Variants in CASS4 observed in about 807,000 individuals in gnomAD.
CASS4 encodes cas scaffolding protein family member 4.
In CASS4, 22 loss-of-function variants were observed where a neutral mutation model predicts 54.2. That is an observed-to-expected ratio of 0.41 (90% CI 0.29 to 0.58). The LOEUF is 0.58. Ranked by LOEUF, CASS4 falls within the 20% of genes least tolerant of loss-of-function variation. The pLI, the probability that CASS4 is intolerant of heterozygous loss-of-function variation, is 0.36. For synonymous variants in CASS4, 409 were observed against 391.5 expected (o/e 1.04, Z -0.53); for missense variants, 854 against 986.7 (o/e 0.87, Z 1.80).
At chr20:56,435,614 C>A (rs1238008022) in intron 1 of CASS4, among the ~76,000 whole-genome samples, 2 of 152,148 alleles carry the variant, frequency 1.3e-5, no homozygotes, top group Non-Finnish European at 2.9e-5. Context: ...GGTAACAAGG[C>A]GACTTTTTTT....
At chr20:56,441,720 C>T (rs1475952048) in intron 2 of CASS4, among the ~76,000 whole-genome samples, 3 of 152,164 alleles carry the variant, frequency 2.0e-5, no homozygotes, top group Non-Finnish European at 2.9e-5. Flanking sequence ...GCTTCTGGGG[C>T]AGCCAATGTT....
At position 56,452,453 on chromosome 20, in the gene CASS4, C is replaced by T. The variant is rs34899200; in HGVS notation, c.1277C>T (p.Ser426Leu). Residue 426 changes from serine (S) to leucine (L), a missense_variant, in exon 5 of 6, where the codon TCG (serine) becomes TTG (leucine). Coordinates refer to ENST00000679887, the MANE Select transcript of CASS4 (RefSeq NM_020356.4). ...TSTDDSSSSSSEESAKELSLD... is the reference protein window; with the variant it reads ...TSTDDSSSSSLEESAKELSLD... ...ACCGACGACTCCTCCAGCTCTTCCT[C>T]GGAGGAGTCAGCAAAGGAGCTCTCC... The T allele has an allele frequency of 3.3e-3, 5,357 of 1,613,824 alleles. 147 individuals are homozygous for T. The African/African-American group carries it at 0.061, about 18-fold the overall frequency.
At chr20:56,451,085 T>G (rs1980974682) in intron 4 of CASS4, among the ~76,000 whole-genome samples, 1 of 152,084 alleles carries the variant, frequency 6.6e-6, no homozygotes, top group South Asian at 2.1e-4. Flanking sequence ...TGCAAATTCC[T>G]CATAACAGAG....
intron 1 of CASS4, among the ~76,000 whole-genome samples, chr20:56,422,047 A>G (rs1979437845): frequency 6.6e-6 from 1 of 152,254 alleles, no homozygotes; most frequent in Non-Finnish European, 1.5e-5. Context: ...ACTGAAACCC[A>G]GAGAAGTTCT....
At chr20:56,448,879 C>A (rs368784416) in intron 3 of CASS4, among the ~76,000 whole-genome samples, 7 of 152,056 alleles carry the variant, frequency 4.6e-5, no homozygotes, top group African/African-American at 1.7e-4. Flanking sequence ...CACTGGCCGT[C>A]AGAGAAATGC....
intron 1 of CASS4, among the ~76,000 whole-genome samples, chr20:56,421,203 G>A (rs1979395116): frequency 6.6e-6 from 1 of 152,212 alleles, no homozygotes; most frequent in Admixed American, 6.5e-5. Flanking sequence ...GCACAGAACA[G>A]TTTTTGTACA....
At chr20:56,446,802 AT>A (rs1190407510) in intron 3 of CASS4, among the ~76,000 whole-genome samples, 1 of 152,128 alleles carries the variant, frequency 6.6e-6, no homozygotes, top group Admixed American at 6.6e-5. Context: ...AAACATCAGG[AT>A]TTTTAAAAGC....
In CASS4 at chr20:56,430,207, G is replaced by T. The variant is rs1165418286; in HGVS notation, c.37-6957G>T. Among the ~76,000 whole-genome samples the T allele has an allele frequency of 6.6e-6, 1 of 152,222 alleles. No individual in the cohort carries two copies. The highest frequency in any genetic ancestry group is 1.5e-5 in the Non-Finnish European group (1 of 68,034). On this transcript the variant is annotated intron_variant, in intron 1 of 5. Transcript: ENST00000679887. The surrounding 1 kb of genome is among the most constrained non-coding windows in gnomAD (Gnocchi z 4.2). ...ACATTGCACCTGCCAGCTGTGGAAA[G>T]GTCTCTGCACTGAGGTTATCATCAG...
At chr20:56,421,755 C>T (rs1044291384) in intron 1 of CASS4, among the ~76,000 whole-genome samples, 7 of 151,966 alleles carry the variant, frequency 4.6e-5, no homozygotes, top group African/African-American at 1.5e-4. Flanking sequence ...TAATTGGTGT[C>T]GGCATAATTG....
chr20:56,435,186 A>C (rs978484427), intron 1 of CASS4, among the ~76,000 whole-genome samples: 2 of 152,216 alleles, frequency 1.3e-5, no homozygotes, highest in African/African-American at 4.8e-5. Flanking sequence ...TTGTCTGGTT[A>C]AGATGGTATT....
chr20:56,441,789 A>G (rs1322836160), intron 2 of CASS4, among the ~76,000 whole-genome samples: 1 of 152,052 alleles, frequency 6.6e-6, no homozygotes, highest in African/African-American at 2.4e-5. Flanking sequence ...TCCTCTGTAT[A>G]GGGAGAAGGT....
intron 1 of CASS4, among the ~76,000 whole-genome samples, chr20:56,415,229 G>A (rs1979072895): frequency 6.6e-6 from 1 of 152,164 alleles, no homozygotes; most frequent in African/African-American, 2.4e-5. Context: ...TGTTTATGCA[G>A]TCCTTAAGAT....
At chr20:56,434,263 A>G (rs1277377874) in intron 1 of CASS4, among the ~76,000 whole-genome samples, 2 of 152,204 alleles carry the variant, frequency 1.3e-5, no homozygotes, top group African/African-American at 4.8e-5. Context: ...TGCAAATATT[A>G]GCTATAAAGA....
chr20:56,431,240 C>T (rs1048360578), intron 1 of CASS4, among the ~76,000 whole-genome samples: 12 of 152,218 alleles, frequency 7.9e-5, no homozygotes, highest in Non-Finnish European at 2.9e-5. Flanking sequence ...GTGCATCCAA[C>T]ACAAAATAGG....
rs912059527 is a variant in CASS4 at position 56,437,313 on chromosome 20, G to A, written c.186G>A (p.Leu62=). ...GTTTGCTCCATGGGAGGCAAGGCCT[G>A]GCCCCTGCCAACCGCCTCCAAATCC... ...WKCLLHGRQG[L]APANRLQILT... Residue 62 remains leucine, a synonymous_variant, in exon 2 of 6, where the codon CTG becomes CTA. Coordinates refer to ENST00000679887, the MANE Select transcript of CASS4 (RefSeq NM_020356.4). This position sits in a 1 kb window ranked among gnomAD's most constrained non-coding sequence, Gnocchi z 4.7. 3 of 1,614,114 alleles carry A rather than the reference G, an allele frequency of 1.9e-6. No homozygotes were observed. Among genetic ancestry groups the A allele is most frequent in the East Asian group, 4.5e-5 (2 of 44,876 alleles).
chr20:56,414,673 G>A lies in CASS4; in HGVS notation c.36+2179G>A, dbSNP rs192943271. On this transcript the variant is annotated intron_variant, in intron 1 of 5. Coordinates refer to ENST00000679887, the MANE Select transcript of CASS4 (RefSeq NM_020356.4). This position sits in a 1 kb window ranked among gnomAD's most constrained non-coding sequence, Gnocchi z 4.1. Reference sequence around the variant, plus strand: ...GCTATTAATATTATACAGATAGGCCGGGAGCGGTGGCTCATGCCTGTAATC... The same window carrying A: ...GCTATTAATATTATACAGATAGGCCAGGAGCGGTGGCTCATGCCTGTAATC... Among the ~76,000 whole-genome samples, 96 of 152,178 alleles carry A rather than the reference G, an allele frequency of 6.3e-4. No homozygotes were observed. In the South Asian group the frequency reaches 7.0e-3, roughly 11 times the overall value.
intron 2 of CASS4, among the ~76,000 whole-genome samples, chr20:56,439,637 G>C (rs1158923087): frequency 1.3e-5 from 2 of 151,936 alleles, no homozygotes; most frequent in Non-Finnish European, 2.9e-5. Context: ...TATTACTACG[G>C]CGCCCCTGCA....
At chr20:56,455,701 G>A (rs763298768) in intron 5 of CASS4, among the ~76,000 whole-genome samples, 12 of 152,080 alleles carry the variant, frequency 7.9e-5, no homozygotes, top group Non-Finnish European at 1.5e-4. Flanking sequence ...AGGCCGAGGC[G>A]GGTGGATCGC....
chr20:56,427,437 C>G (rs1253820565), intron 1 of CASS4, among the ~76,000 whole-genome samples: 1 of 152,118 alleles, frequency 6.6e-6, no homozygotes, highest in Non-Finnish European at 1.5e-5. Flanking sequence ...CATTCACAAG[C>G]CAACAGATAA....
Sources: gnomAD v4.1 joint callset for allele counts (sites outside exome capture counted in the v4.1 genomes callset) on GRCh38, gnomAD v4.1.1 for gene constraint, Gnocchi (gnomAD v3.1) non-coding constraint, MANE v1.5 for transcripts, NCBI Gene and HGNC (gene_info 2026-07-23, HGNC 2026-07-21) for gene names.